INO80C: variants seen among roughly 807,000 people sequenced by gnomAD.
The protein encoded by INO80C is IES6 homolog.
Under a neutral mutation model 17.7 loss-of-function variants are expected in INO80C, and 17 were observed. That is an observed-to-expected ratio of 0.96 (90% confidence interval 0.66 to 1.44). INO80C has a LOEUF of 1.44. INO80C is among the 40% of genes most tolerant of loss of function. The pLI is 0.00. For synonymous variants in INO80C, 96 were observed against 95.8 expected (o/e 1.00, Z -0.01); for missense variants, 244 against 245.0 (o/e 1.00, Z 0.03).
intron 1 of INO80C, among the ~76,000 whole-genome samples, chr18:35,494,120 A>C (rs1248203047): frequency 6.6e-6 from 1 of 152,208 alleles, no homozygotes; most frequent in Admixed American, 6.5e-5. Context: ...CTGAGGAATC[A>C]TCCTCCTGTG....
At chr18:35,478,505 G>A (rs935067420) in intron 3 of INO80C, among the ~76,000 whole-genome samples, 156 bp from the exon 4 acceptor site, 4 of 152,208 alleles carry the variant, frequency 2.6e-5, no homozygotes, top group Admixed American at 2.0e-4. Flanking sequence ...AGAGAAGTAG[G>A]GGAGGATTCT....
At chr18:35,485,559 G>T (rs1289535081) in intron 1 of INO80C, among the ~76,000 whole-genome samples, 3 of 151,924 alleles carry the variant, frequency 2.0e-5, no homozygotes, top group Non-Finnish European at 1.5e-5. Flanking sequence ...TATTGGCAAA[G>T]ATGTGAAGAA....
At chr18:35,487,361 A>G (rs2144073566) in intron 1 of INO80C, 1 of 391,716 alleles carries the variant, frequency 2.6e-6, no homozygotes, top group African/African-American at 2.2e-5. Context: ...TAAATTATAA[A>G]GAAAAAGAGG....
At chr18:35,482,533 G>A (rs752518077) in intron 1 of INO80C, among the ~76,000 whole-genome samples, 2 of 152,198 alleles carry the variant, frequency 1.3e-5, no homozygotes, top group Admixed American at 6.5e-5. Context: ...CACCTGAGCC[G>A]GGGTTCCAGC....
chr18:35,478,380 A>G (rs75082674), intron 3 of INO80C, 31 bp from the exon 4 acceptor site: 17,292 of 1,434,840 alleles, frequency 0.012, 143 homozygotes, highest in Non-Finnish European at 0.014. Flanking sequence ...AGATAACTAA[A>G]CTGAACTGAA....
chr18:35,469,769 TATC>T (rs1405876731), intron 4 of INO80C, among the ~76,000 whole-genome samples: 1 of 152,188 alleles, frequency 6.6e-6, no homozygotes, highest in Admixed American at 6.5e-5. Context: ...ACAGTTTGCT[TATC>T]ATTGTAGACT....
chr18:35,471,336 T>A (rs541425473), intron 4 of INO80C, among the ~76,000 whole-genome samples: 2 of 152,356 alleles, frequency 1.3e-5, no homozygotes, highest in African/African-American at 4.8e-5. Flanking sequence ...TCTACCCCTA[T>A]ACACATATGT....
At chr18:35,471,825 A>T (rs967075776) in intron 4 of INO80C, among the ~76,000 whole-genome samples, 1 of 16,562 alleles carries the variant, frequency 6.0e-5, no homozygotes, top group African/African-American at 9.0e-5. Flanking sequence ...TCATTGTTCA[A>T]TTCCCACCTG....
chr18:35,482,578 AC>A (rs1261014499), intron 1 of INO80C, among the ~76,000 whole-genome samples: 1 of 151,964 alleles, frequency 6.6e-6, no homozygotes, highest in Non-Finnish European at 1.5e-5. Context: ...TGTGGCCGCC[AC>A]CTTCTGTCTG....
intron 1 of INO80C, chr18:35,489,111 T>C (rs1431623299): frequency 1.2e-5 from 2 of 171,550 alleles, no homozygotes; most frequent in Admixed American, 1.2e-4. Context: ...GGTTCCAAAC[T>C]TTCTCACATT....
At chr18:35,497,591 G>T in intron 1 of INO80C, 128 bp downstream of exon 1, 8 of 1,433,868 alleles carry the variant, frequency 5.6e-6, no homozygotes, top group Non-Finnish European at 7.3e-6. Flanking sequence ...CCGCGGGGCA[G>T]CGTCTTTCAA....
chr18:35,493,032 G>A (rs2045947286), intron 1 of INO80C, among the ~76,000 whole-genome samples: 1 of 152,192 alleles, frequency 6.6e-6, no homozygotes, highest in African/African-American at 2.4e-5. Flanking sequence ...TAAGAAAAAA[G>A]AATGTAGACT....
intron 1 of INO80C, among the ~76,000 whole-genome samples, chr18:35,491,318 T>C (rs544495829): frequency 6.6e-6 from 1 of 152,198 alleles, no homozygotes; most frequent in African/African-American, 2.4e-5. Context: ...AAGTCAGCCA[T>C]TCCAGGCAGC....
intron 4 of INO80C, among the ~76,000 whole-genome samples, chr18:35,474,207 CTATATATATATATATATATATATA>C (rs58465669): frequency 6.0e-4 from 35 of 58,046 alleles, no homozygotes; most frequent in African/African-American, 9.8e-4. Flanking sequence ...GTGTGTGTGT[CTATATATATATATATATATATATA>C]TATATATATA....
At chr18:35,485,101 G>A (rs1486703822) in intron 1 of INO80C, among the ~76,000 whole-genome samples, 3 of 151,946 alleles carry the variant, frequency 2.0e-5, no homozygotes, top group Non-Finnish European at 4.4e-5. Context: ...CCACCCAGAC[G>A]ACCTCATTTA....
At chr18:35,483,037 C>T (rs2045832199) in intron 1 of INO80C, among the ~76,000 whole-genome samples, 1 of 152,194 alleles carries the variant, frequency 6.6e-6, no homozygotes, top group Admixed American at 6.5e-5. Flanking sequence ...TTTGTCTTTT[C>T]TGGTGCGATA....
chr18:35,479,101 A>C (rs3786394), intron 3 of INO80C, 199 bp downstream of exon 3: 47,425 of 476,826 alleles, frequency 0.099, 2,612 homozygotes, highest in East Asian at 0.16. Context: ...CATCCATGAC[A>C]ACACAAACAA....
intron 4 of INO80C, among the ~76,000 whole-genome samples, chr18:35,470,029 G>A (rs1020353558): frequency 1.3e-5 from 2 of 152,128 alleles, no homozygotes; most frequent in Non-Finnish European, 2.9e-5. Flanking sequence ...AAAGACATGA[G>A]GGTGAGTCAT....
At chr18:35,475,405 C>T (rs1290242099) in intron 4 of INO80C, among the ~76,000 whole-genome samples, 2 of 152,208 alleles carry the variant, frequency 1.3e-5, no homozygotes, top group Non-Finnish European at 1.5e-5. Context: ...CAGTGGCTCA[C>T]GCCTGTAATC....
Sources: gnomAD v4.1 joint callset for allele counts (sites outside exome capture counted in the v4.1 genomes callset) on GRCh38, gnomAD v4.1.1 for gene constraint, MANE v1.5 for transcripts, NCBI Gene and HGNC (gene_info 2026-07-23, HGNC 2026-07-21) for gene names.